KCNMA1: variants seen among roughly 807,000 people sequenced by gnomAD.
KCNMA1 encodes potassium calcium-activated channel subfamily M alpha 1.
Under a neutral mutation model 140.0 loss-of-function variants are expected in KCNMA1, and 29 were observed. That is an observed-to-expected ratio of 0.21 (90% CI 0.15 to 0.28). The LOEUF (loss-of-function observed/expected upper bound fraction) is 0.28. KCNMA1 is among the 10% of genes least tolerant of loss of function. The pLI is 1.00. For synonymous variants in KCNMA1, 612 were observed against 611.9 expected, an observed-to-expected ratio of 1.00 and a Z score of 0.00; for missense variants, 880 against 1,602.2, an observed-to-expected ratio of 0.55 and a Z score of 7.70.
chr10:77,199,096 T>G (rs1461934660), intron 3 of KCNMA1, among the ~76,000 whole-genome samples: 1 of 152,166 alleles, frequency 6.6e-6, no homozygotes, highest in Non-Finnish European at 1.5e-5. Context: ...CGACACTACC[T>G]TCCTCATTCC....
chr10:77,562,292 T>C (rs1240721575), intron 1 of KCNMA1, among the ~76,000 whole-genome samples: 1 of 152,246 alleles, frequency 6.6e-6, no homozygotes, highest in Non-Finnish European at 1.5e-5. Flanking sequence ...ATTCAGATTT[T>C]TTTTAGTAAG....
chr10:77,405,604 T>C (rs2096445881), intron 1 of KCNMA1, among the ~76,000 whole-genome samples: 1 of 152,238 alleles, frequency 6.6e-6, no homozygotes, highest in South Asian at 2.1e-4. Context: ...CCTTATTATT[T>C]ATCTAACAAT....
At chr10:77,336,905 A>C (rs2089261608) in intron 2 of KCNMA1, among the ~76,000 whole-genome samples, 1 of 152,246 alleles carries the variant, frequency 6.6e-6, no homozygotes, top group Non-Finnish European at 1.5e-5. Flanking sequence ...CATTGTCAAA[A>C]GCATTGTGAA....
At chr10:77,618,972 G>A (rs1237324063) in intron 1 of KCNMA1, among the ~76,000 whole-genome samples, 1 of 152,174 alleles carries the variant, frequency 6.6e-6, no homozygotes, top group Non-Finnish European at 1.5e-5. Context: ...AAATCAAAAG[G>A]TTTAACGAAA....
chr10:76,910,253 G>C (rs1181641847), intron 24 of KCNMA1, 157 bp from the exon 25 acceptor site: 1 of 753,386 alleles, frequency 1.3e-6, no homozygotes, highest in African/African-American at 1.7e-5. Context: ...AAGGGGGGCA[G>C]TGGGACTCAA....
intron 1 of KCNMA1, among the ~76,000 whole-genome samples, chr10:77,518,907 C>T (rs2051675439): frequency 6.6e-6 from 1 of 152,240 alleles, no homozygotes; most frequent in African/African-American, 2.4e-5. Flanking sequence ...TTGGAGAAGA[C>T]TGTCTCCCTG....
intron 15 of KCNMA1, among the ~76,000 whole-genome samples, chr10:77,037,777 G>A (rs2094432051): frequency 6.6e-6 from 1 of 152,120 alleles, no homozygotes; most frequent in Non-Finnish European, 1.5e-5. Context: ...GGCTTCAATT[G>A]CCTTTTTATA....
chr10:77,281,956 G>C (rs949457524), intron 2 of KCNMA1, among the ~76,000 whole-genome samples: 11 of 152,128 alleles, frequency 7.2e-5, no homozygotes, highest in Admixed American at 6.5e-4. Flanking sequence ...ATGTGTCTGG[G>C]TGTTACGATA....
chr10:77,108,181 A>G lies in KCNMA1; in HGVS notation c.1223+300T>C. ...CCATGCAGAAACTGGGCCTTCCCTC[A>G]CAGAAGCACCCGGTGGGGTTGGGGA... On this transcript the variant is annotated intron_variant, in intron 9 of 27. Coordinates refer to ENST00000286628, the MANE Select transcript of KCNMA1 (RefSeq NM_001161352.2). This position sits in a 1 kb window ranked among gnomAD's most constrained non-coding sequence, Gnocchi z 4.6. The G allele has an allele frequency of 1.1e-6, 1 of 937,940 alleles. No individual in the cohort carries two copies. The highest frequency in any genetic ancestry group is 1.5e-6 in the Non-Finnish European group (1 of 647,228). The allele number at this position is 937,940 out of a possible 1,614,324, so 58.1% of individuals were successfully genotyped here.
chr10:77,001,338 C>T, intron 19 of KCNMA1, 69 bp downstream of exon 19: 1 of 1,419,418 alleles, frequency 7.0e-7, no homozygotes, highest in Non-Finnish European at 9.7e-7. Flanking sequence ...CCACAGGGCA[C>T]AGCACAAGAC....
intron 2 of KCNMA1, among the ~76,000 whole-genome samples, chr10:77,296,097 A>T (rs2075036928): frequency 6.6e-6 from 1 of 152,140 alleles, no homozygotes; most frequent in South Asian, 2.1e-4. Context: ...GTGACCTTAC[A>T]TGGCAAAAGG....
rs542559375 is a variant in KCNMA1, at chr10:77,062,445, G to A, written c.1749+10652C>T. 2.0e-5 allele frequency among the ~76,000 whole-genome samples: 3 copies of A among 152,304 alleles called. No individual in the cohort carries two copies. In the South Asian group the frequency reaches 6.2e-4, roughly 32 times the overall value. Reference sequence around the variant, plus strand: ...TACAGACACATTTCACACATGGGAAGTCTATCATACTGCACTGTAACCTAC... The same window carrying A: ...TACAGACACATTTCACACATGGGAAATCTATCATACTGCACTGTAACCTAC... On this transcript the variant is annotated intron_variant, in intron 14 of 27. Coordinates refer to ENST00000286628, the MANE Select transcript of KCNMA1 (RefSeq NM_001161352.2).
chr10:77,156,227 T>A (rs2098481957), intron 5 of KCNMA1, among the ~76,000 whole-genome samples: 4 of 120,610 alleles, frequency 3.3e-5, no homozygotes, highest in Admixed American at 8.4e-5. Context: ...GACTCCATCT[T>A]AAAAAAAAAA....
intron 1 of KCNMA1, among the ~76,000 whole-genome samples, chr10:77,473,361 G>A (rs557720029): frequency 2.0e-5 from 3 of 152,212 alleles, no homozygotes; most frequent in Non-Finnish European, 2.9e-5. Context: ...ATCTCCTGAG[G>A]GGGGCTGATG....
intron 1 of KCNMA1, among the ~76,000 whole-genome samples, chr10:77,533,427 A>C (rs1441209889): frequency 6.6e-6 from 1 of 152,168 alleles, no homozygotes; most frequent in African/African-American, 2.4e-5. Context: ...ACTTCTCTAG[A>C]ACTTGTCTGC....
chr10:77,079,736 A>G (rs2096515100), intron 12 of KCNMA1, 186 bp from the exon 13 acceptor site: 1 of 636,142 alleles, frequency 1.6e-6, no homozygotes, highest in African/African-American at 1.8e-5. Flanking sequence ...ATGGGGCAGA[A>G]GCAACTTTTC....
At chr10:77,358,492 C>T (rs1394709119) in intron 2 of KCNMA1, among the ~76,000 whole-genome samples, 1 of 152,152 alleles carries the variant, frequency 6.6e-6, no homozygotes, top group Admixed American at 6.6e-5. Flanking sequence ...CACCAAGACA[C>T]TGCCTAGGAC....
chr10:76,881,619 C>T (rs1042015763), downstream of KCNMA1, among the ~76,000 whole-genome samples: 4 of 152,220 alleles, frequency 2.6e-5, no homozygotes, highest in East Asian at 3.9e-4. Context: ...ATTGCTGAAG[C>T]GTTAGCTTTT....
At chr10:77,487,383 A>G (rs1316944129) in intron 1 of KCNMA1, among the ~76,000 whole-genome samples, 1 of 152,206 alleles carries the variant, frequency 6.6e-6, no homozygotes, top group African/African-American at 2.4e-5. Flanking sequence ...ACAGAAGTGT[A>G]ATACACAAAA....
Sources: gnomAD v4.1 joint callset for allele counts (sites outside exome capture counted in the v4.1 genomes callset) on GRCh38, gnomAD v4.1.1 for gene constraint, Gnocchi (gnomAD v3.1) non-coding constraint, MANE v1.5 for transcripts, NCBI Gene and HGNC (gene_info 2026-07-23, HGNC 2026-07-21) for gene names.